The following OSBPL10 variants were observed in gnomAD, a reference collection of about 807,000 sequenced individuals.
OSBPL10 encodes oxysterol binding protein like 10, also known as oxysterol-binding protein-related protein 10.
In OSBPL10, 49 loss-of-function variants were observed where a neutral mutation model predicts 81.7. The observed-to-expected ratio is 0.60, with a 90% CI of 0.48 to 0.76. OSBPL10 has a LOEUF of 0.76. OSBPL10 is among the 30% of genes least tolerant of loss of function. The pLI is 0.00. For missense variants in OSBPL10, 923 were observed against 987.8 expected (o/e 0.93, Z 0.88); for synonymous variants, 419 against 383.6 (o/e 1.09, Z -1.08).
At chr3:31,663,026 G>A (rs966987930) in intron 11 of OSBPL10, 45 of 985,310 alleles carry the variant, frequency 4.6e-5, no homozygotes, top group Non-Finnish European at 4.7e-5. Context: ...ACTCTGGGGA[G>A]AACAGTGGTG....
chr3:31,821,898 T>C (rs553365205), intron 4 of OSBPL10, among the ~76,000 whole-genome samples: 1 of 152,234 alleles, frequency 6.6e-6, no homozygotes, highest in Non-Finnish European at 1.5e-5. Context: ...TAACAAAGGC[T>C]GTACATGAAT....
At chr3:31,926,403 T>C (rs1419220388) in intron 1 of OSBPL10, among the ~76,000 whole-genome samples, 1 of 151,566 alleles carries the variant, frequency 6.6e-6, no homozygotes, top group Non-Finnish European at 1.5e-5. Flanking sequence ...CAGTCTACAA[T>C]ATACAGGCTA....
intron 2 of OSBPL10, among the ~76,000 whole-genome samples, chr3:32,044,619 T>C (rs1699607002): frequency 6.7e-6 from 1 of 150,278 alleles, no homozygotes; most frequent in South Asian, 2.1e-4. Flanking sequence ...CACATGCCTA[T>C]AATCCCAGCT....
In OSBPL10 at chr3:31,898,006, C is replaced by CAAAAAAAAAA. The variant is rs58479197; in HGVS notation, c.282-18186_282-18177dup. ...TTGGGTGACACAGCGAGAACTCTGT[C>CAAAAAAAAAA]AAAAAAAAAAAAAAAAAAAAAAAAA... On this transcript the variant is annotated intron_variant, in intron 1 of 11. Transcript: ENST00000396556. Among the ~76,000 whole-genome samples, 12 of 62,480 alleles carry CAAAAAAAAAA rather than the reference C, an allele frequency of 1.9e-4. No homozygotes were observed. The East Asian group carries it at 3.9e-3, about 20-fold the overall frequency. 41.0% of individuals were successfully genotyped at this position (62,480 alleles called of 152,430 possible). A position where few individuals can be genotyped will look rare whatever the true frequency, so the allele number is the denominator to read the frequency against.
At chr3:31,911,165 A>T (rs1347916903) in intron 1 of OSBPL10, among the ~76,000 whole-genome samples, 1 of 152,172 alleles carries the variant, frequency 6.6e-6, no homozygotes, top group Admixed American at 6.5e-5. Context: ...GAGTTGCCAA[A>T]CTTTTTCTGG....
chr3:31,910,325 A>C (rs1479184784), intron 1 of OSBPL10, among the ~76,000 whole-genome samples: 1 of 151,948 alleles, frequency 6.6e-6, no homozygotes, highest in African/African-American at 2.4e-5. Flanking sequence ...AGTAAAGGAC[A>C]ACCTATTGGC....
chr3:31,717,366 C>T (rs1696476603), intron 6 of OSBPL10, among the ~76,000 whole-genome samples: 1 of 152,080 alleles, frequency 6.6e-6, no homozygotes, highest in Non-Finnish European at 1.5e-5. Context: ...CAGAAACAAC[C>T]CAAAGCTCAG....
chr3:31,841,359 G>A (rs1700493685), intron 3 of OSBPL10, among the ~76,000 whole-genome samples: 1 of 152,162 alleles, frequency 6.6e-6, no homozygotes, highest in Non-Finnish European at 1.5e-5. Context: ...GAAGCACAAA[G>A]GAAAGCGCCT....
intron 1 of OSBPL10, among the ~76,000 whole-genome samples, chr3:32,075,547 T>C (rs1056123753): frequency 7.2e-5 from 11 of 152,168 alleles, no homozygotes; most frequent in Admixed American, 7.2e-4. Flanking sequence ...AATAATTCTA[T>C]ATGACAAATC....
intron 2 of OSBPL10, chr3:31,991,515 A>G (rs1323662254): frequency 6.0e-6 from 1 of 166,786 alleles, no homozygotes; most frequent in Non-Finnish European, 1.5e-5. Context: ...TCTCTAGCAA[A>G]TGGAAGTGTT....
chr3:31,857,811 A>G (rs1447993333), intron 3 of OSBPL10, among the ~76,000 whole-genome samples: 1 of 31,900 alleles, frequency 3.1e-5, no homozygotes. Context: ...AGGGAGAGAG[A>G]GAGAAAGGGA....
At chr3:31,846,640 A>AAATT (rs778035266) in intron 3 of OSBPL10, among the ~76,000 whole-genome samples, 1 of 12,106 alleles carries the variant, frequency 8.3e-5, no homozygotes, top group African/African-American at 1.8e-4. Flanking sequence ...CTCAATAAAT[A>AAATT]AATAAATAAA....
At chr3:31,664,772 T>C (rs530766339) in intron 10 of OSBPL10, among the ~76,000 whole-genome samples, 1 of 152,308 alleles carries the variant, frequency 6.6e-6, no homozygotes, top group South Asian at 2.1e-4. Flanking sequence ...TAGAGGCTGA[T>C]GCATGTGTGA....
chr3:31,984,912 A>G (rs1698912496), upstream of OSBPL10, among the ~76,000 whole-genome samples: 1 of 152,200 alleles, frequency 6.6e-6, no homozygotes, highest in Admixed American at 6.5e-5. Flanking sequence ...TTTTACTGTC[A>G]TAATTTTGCA....
In OSBPL10 at chr3:31,863,356, T is replaced by C. The variant is rs187842834; in HGVS notation, c.537+13077A>G. On this transcript the variant is annotated intron_variant, in intron 3 of 11. Transcript: ENST00000396556. ...GATAAAATATCCTGGAATGAGATAG[T>C]GGTAGTGGTTGTACAATTTTGAAAA... 5.5e-3 allele frequency among the ~76,000 whole-genome samples: 836 copies of C among 152,244 alleles called. 17 individuals are homozygous for C. In the South Asian group the frequency reaches 0.055, roughly 10 times the overall value.
chr3:31,670,735 G>T (rs563984919), intron 9 of OSBPL10, 62 bp downstream of exon 9: 38 of 1,493,218 alleles, frequency 2.5e-5, no homozygotes, highest in African/African-American at 2.1e-4. Context: ...TCTTCTAATG[G>T]TGAAAGGAAA....
chr3:31,887,248 A>C (rs1461179381), intron 1 of OSBPL10, among the ~76,000 whole-genome samples: 1 of 152,198 alleles, frequency 6.6e-6, no homozygotes, highest in Non-Finnish European at 1.5e-5. Context: ...CCTTGTTTAT[A>C]AAACTTCCAA....
rs560112045 is a variant in OSBPL10, at chr3:32,052,389, A to G, written n.186-5786T>C. ...ATTGGTTGACTTTATTGTGGAAGAC[A>G]GTGTGGTGATTCATCAAGGATCTAG... On this transcript the variant is annotated intron_variant and non_coding_transcript_variant, in intron 1 of 3. Coordinates refer to the OSBPL10 transcript ENST00000479173. 2.0e-5 allele frequency among the ~76,000 whole-genome samples: 3 copies of G among 152,340 alleles called. No homozygotes were observed. In the East Asian group the frequency reaches 5.8e-4, roughly 29 times the overall value.
At chr3:31,880,099 G>A (rs1695515854) in intron 1 of OSBPL10, among the ~76,000 whole-genome samples, 1 of 152,220 alleles carries the variant, frequency 6.6e-6, no homozygotes, top group Non-Finnish European at 1.5e-5. Context: ...ACTTCACCCA[G>A]TACCCATGGA....
Sources: gnomAD v4.1 joint callset for allele counts (sites outside exome capture counted in the v4.1 genomes callset) on GRCh38, gnomAD v4.1.1 for gene constraint, MANE v1.5 for transcripts, NCBI Gene and HGNC (gene_info 2026-07-23, HGNC 2026-07-21) for gene names.